The following NLRP1 variants were observed in gnomAD, a reference collection of about 807,000 sequenced individuals.
The protein encoded by NLRP1 is NACHT, LRR and PYD domains-containing protein 1.
Under a neutral mutation model 136.7 loss-of-function variants are expected in NLRP1, and 94 were observed. The observed-to-expected ratio is 0.69, with a 90% CI of 0.58 to 0.82. NLRP1 has a LOEUF of 0.82. Among genes scored for constraint, NLRP1 ranks in the 40% least tolerant of loss-of-function variants. The pLI is 0.00. For synonymous variants in NLRP1, 690 were observed against 725.1 expected (o/e 0.95, Z 0.78); for missense variants, 1,575 against 1,802.7 (o/e 0.87, Z 2.29).
chr17:5,514,561 C>A lies in NLRP1; in HGVS notation c.*193G>T, dbSNP rs891897746. 1 of 1,431,642 alleles carries A rather than the reference C, an allele frequency of 7.0e-7. No homozygotes were observed. Among genetic ancestry groups the A allele is most frequent in the Admixed American group, 2.9e-5 (1 of 35,074 alleles). The allele number at this position is 1,431,642 out of a possible 1,614,324, so 88.7% of individuals were successfully genotyped here. A position where few individuals can be genotyped will look rare whatever the true frequency, so the allele number is the denominator to read the frequency against. On this transcript the variant is annotated 3_prime_UTR_variant, in exon 17 of 17. Coordinates refer to ENST00000572272, the MANE Select transcript of NLRP1 (RefSeq NM_033004.4). ...GGACATTCCCTGAGATGCTGTTAGGCCACCTGGACTGGGGCCCCCTGTGGC... is the reference window on the plus strand; with the variant it reads ...GGACATTCCCTGAGATGCTGTTAGGACACCTGGACTGGGGCCCCCTGTGGC...
intron 15 of NLRP1, among the ~76,000 whole-genome samples, chr17:5,508,009 C>T (rs1907436485): frequency 2.6e-5 from 4 of 152,136 alleles, no homozygotes. Context: ...TGGCGCACGC[C>T]TGTAATCCTA....
downstream of NLRP1, among the ~76,000 whole-genome samples, chr17:5,511,324 C>CG (rs2151729591): frequency 6.6e-6 from 1 of 151,752 alleles, no homozygotes; most frequent in African/African-American, 2.4e-5. Flanking sequence ...CCCAGCTACT[C>CG]GGGAGGCTGA....
At position 5,558,753 on chromosome 17, in the gene NLRP1, T is replaced by C. The variant is rs1189142093; in HGVS notation, c.1943A>G (p.Asn648Ser). The stretch of plus-strand genomic sequence containing the variant: ...CGTCTTTTCCAAATCTATGATGCAA[T>C]TAGAATGTTTACCTCTCCCCTTCTC... ...EDEKGRGKHS[N>S]CIIDLEKTLE... The change falls in exon 4 of 17, where the codon AAT becomes AGT. Residue 648 changes from asparagine (N) to serine (S), a missense_variant. Coordinates refer to ENST00000572272, the MANE Select transcript of NLRP1 (RefSeq NM_033004.4). 2.5e-6 allele frequency: 4 copies of C among 1,614,142 alleles called. No homozygotes were observed. The highest frequency in any genetic ancestry group is 3.4e-6 in the Non-Finnish European group (4 of 1,180,026).
chr17:5,533,398 A>G lies in NLRP1; in HGVS notation c.3053-14T>C. The G allele has an allele frequency of 2.2e-6, 2 of 928,316 alleles. No individual in the cohort carries two copies. The highest frequency in any genetic ancestry group is 1.4e-5 in the South Asian group (1 of 71,722). 57.5% of individuals were successfully genotyped at this position (928,316 alleles called of 1,614,324 possible). ...AAGCCGCCCTCTCTACAGAAAAAAG[A>G]AAAATATCAGCCAGGCATGGTGGTG... is the stretch of plus-strand genomic sequence containing the variant. On this transcript the variant is annotated splice_polypyrimidine_tract_variant and intron_variant, in intron 9 of 16. Coordinates refer to ENST00000572272, the MANE Select transcript of NLRP1 (RefSeq NM_033004.4).
At chr17:5,517,913 C>T (rs1341513841) in intron 14 of NLRP1, 26 bp from the exon 15 acceptor site, 1 of 1,612,638 alleles carries the variant, frequency 6.2e-7, no homozygotes, top group Non-Finnish European at 8.5e-7. Context: ...GTTGAGTTGC[C>T]ACCCTGTTCA....
intron 5 of NLRP1, among the ~76,000 whole-genome samples, chr17:5,548,545 C>T (rs887322946): frequency 3.9e-5 from 6 of 152,172 alleles, no homozygotes; most frequent in East Asian, 1.9e-4. Flanking sequence ...GCCCACCATC[C>T]CCTCTGCTTT....
Position 5,541,933 on chromosome 17 carries a change from T to C in NLRP1, c.2623A>G (p.Asn875Asp), listed in dbSNP as rs777369219. ...QTLTELDLSF[N>D]VLTDAGAKHL... ...TTGGCTCCAGCATCCGTGAGCACAT[T>C]GAAGCTCAGGTCCAGCTCGGTCAGG... The change falls in exon 6 of 17, where the codon AAT (asparagine) becomes GAT (aspartate). Residue 875 changes from asparagine (N) to aspartate (D), a missense_variant. By Grantham distance (23) the Asn-to-Asp change is conservative. Coordinates refer to ENST00000572272, the MANE Select transcript of NLRP1 (RefSeq NM_033004.4). The surrounding 1 kb of genome is among the most constrained non-coding windows in gnomAD (Gnocchi z 4.2). 1.9e-6 allele frequency: 3 copies of C among 1,614,042 alleles called. No individual in the cohort carries two copies. The highest frequency in any genetic ancestry group is 2.2e-5 in the East Asian group (1 of 44,826).
intron 5 of NLRP1, among the ~76,000 whole-genome samples, chr17:5,544,821 T>C (rs1912359899): frequency 6.6e-6 from 1 of 151,972 alleles, no homozygotes; most frequent in Admixed American, 6.6e-5. Flanking sequence ...GGGAGGATAG[T>C]CTAGGTAAGA....
chr17:5,514,763 G>T lies in NLRP1; in HGVS notation c.4413C>A (p.Leu1471=). 1.2e-6 allele frequency: 2 copies of T among 1,614,046 alleles called. No individual in the cohort carries two copies. Among genetic ancestry groups the T allele is most frequent in the South Asian group, 1.1e-5 (1 of 91,072 alleles). Residue 1471 remains leucine (L), a synonymous_variant, in exon 17 of 17, where the codon CTC becomes CTA. Transcript: ENST00000572272. The part of the protein sequence containing the change: ...EKGSKKGLLP[L]SS ...GGCTGGTGTTGATACTTCAGCTGCTGAGTGGCAGGAGTCCCTTTTTGCTGC... is the reference window on the plus strand; with the variant it reads ...GGCTGGTGTTGATACTTCAGCTGCTTAGTGGCAGGAGTCCCTTTTTGCTGC...
chr17:5,566,931 CTT>C (rs1000616487), intron 3 of NLRP1, among the ~76,000 whole-genome samples: 3 of 151,994 alleles, frequency 2.0e-5, no homozygotes, highest in Non-Finnish European at 2.9e-5. Context: ...CTTTGTCTCT[CTT>C]TGTATAGTTT....
At chr17:5,558,192 ATTGGGC>A (rs1914305100) in intron 4 of NLRP1, 141 bp downstream of exon 4, 2 of 764,352 alleles carry the variant, frequency 2.6e-6, no homozygotes, top group Admixed American at 2.8e-5. Flanking sequence ...TGGTGGTCAG[ATTGGGC>A]AGTTAGAAGT....
Position 5,558,578 on chromosome 17 carries a change from G to A in NLRP1, c.2118C>T (p.Ser706=), listed in dbSNP as rs200952560. Residue 706 remains serine (S), a synonymous_variant, in exon 4 of 17, where the codon TCC becomes TCT. Coordinates refer to ENST00000572272, the MANE Select transcript of NLRP1 (RefSeq NM_033004.4). ...QGRNLMQWVP[S]LQLLLQPHSL... Reference sequence around the variant, plus strand: ...AGTGTGGCTGCAGCAGCAGCTGCAGGGACGGGACCCACTGCATCAGGTTCC... The same window carrying A: ...AGTGTGGCTGCAGCAGCAGCTGCAGAGACGGGACCCACTGCATCAGGTTCC... 4 of 1,613,950 alleles carry A rather than the reference G, an allele frequency of 2.5e-6. No homozygotes were observed. Among genetic ancestry groups the A allele is most frequent in the Non-Finnish European group, 3.4e-6 (4 of 1,180,002 alleles).
chr17:5,548,227 C>T (rs994911096), intron 5 of NLRP1, among the ~76,000 whole-genome samples: 5 of 152,350 alleles, frequency 3.3e-5, no homozygotes, highest in South Asian at 2.1e-4. Context: ...TAGCAAACAA[C>T]TCAATTCCTA....
chr17:5,546,442 G>A (rs1912666561), intron 5 of NLRP1, among the ~76,000 whole-genome samples: 1 of 152,036 alleles, frequency 6.6e-6, no homozygotes, highest in South Asian at 2.1e-4. Context: ...ATGTGTCTTC[G>A]ATTCCACACC....
intron 3 of NLRP1, among the ~76,000 whole-genome samples, chr17:5,565,615 G>A (rs1915248222): frequency 6.6e-6 from 1 of 152,158 alleles, no homozygotes; most frequent in Non-Finnish European, 1.5e-5. Context: ...CATAGTTTGA[G>A]GTCTTAGATT....
At chr17:5,501,665 G>T in exon 16 of NLRP1, 1 of 608,346 alleles carries the variant, frequency 1.6e-6, no homozygotes, top group African/African-American at 1.8e-5. Context: ...CCAGCCTTTT[G>T]AGCATCTCGC....
At position 5,536,445 on chromosome 17, in the gene NLRP1, C is replaced by CTTT. The variant is rs773821415; in HGVS notation, c.2960+403_2960+405dup. ...TACAGGCGTGAGCCACCATGCCCGG[C>CTTT]TTTTTTTTTTTTTTTTTTTTTTTGA... On this transcript the variant is annotated intron_variant, in intron 8 of 16. Coordinates refer to ENST00000572272, the MANE Select transcript of NLRP1 (RefSeq NM_033004.4). Among the ~76,000 whole-genome samples the CTTT allele has an allele frequency of 5.0e-3, 386 of 77,792 alleles. 5 individuals carry two copies. The highest frequency in any genetic ancestry group is 0.015 in the East Asian group (29 of 1,926). The allele number at this position is 77,792 out of a possible 152,430, so 51.0% of individuals were successfully genotyped here.
intron 15 of NLRP1, among the ~76,000 whole-genome samples, chr17:5,506,902 CAA>C (rs199684717): frequency 3.5e-4 from 31 of 88,796 alleles, no homozygotes; most frequent in South Asian, 2.8e-3. Flanking sequence ...AACTCCATCT[CAA>C]AAAAAAAAAA....
intron 5 of NLRP1, among the ~76,000 whole-genome samples, chr17:5,550,598 G>C (rs958282719): frequency 7.2e-5 from 11 of 152,000 alleles, no homozygotes; most frequent in African/African-American, 2.7e-4. Flanking sequence ...AGTTAGTCTA[G>C]CTAAAAGGTG....
Sources: gnomAD v4.1 joint callset for allele counts (sites outside exome capture counted in the v4.1 genomes callset) on GRCh38, gnomAD v4.1.1 for gene constraint, Gnocchi (gnomAD v3.1) non-coding constraint, MANE v1.5 for transcripts, NCBI Gene and HGNC (gene_info 2026-07-23, HGNC 2026-07-21) for gene names.